The following CAMKMT variants were observed in gnomAD, a reference collection of about 807,000 sequenced individuals.
CAMKMT encodes the protein calmodulin-lysine N-methyltransferase.
CAMKMT carries 53 observed loss-of-function variants against 48.0 expected under a neutral mutation model. The observed-to-expected ratio is 1.10, with a 90% CI of 0.89 to 1.39. CAMKMT has a LOEUF of 1.39. CAMKMT is among the 40% of genes most tolerant of loss of function. CAMKMT has a pLI of 0.00. For synonymous variants in CAMKMT, 165 were observed against 152.3 expected (o/e 1.08, Z -0.61); for missense variants, 428 against 402.7 (o/e 1.06, Z -0.54).
intron 3 of CAMKMT, among the ~76,000 whole-genome samples, chr2:44,694,637 A>G (rs1676840211): frequency 6.6e-6 from 1 of 152,252 alleles, no homozygotes; most frequent in Non-Finnish European, 1.5e-5. Context: ...GCTTATATTA[A>G]GTAGATCACA....
intron 3 of CAMKMT, among the ~76,000 whole-genome samples, chr2:44,689,261 A>ATTTT (rs1278736278): frequency 1.8e-3 from 200 of 108,880 alleles, no homozygotes; most frequent in African/African-American, 2.6e-3. Flanking sequence ...ACCCAGCACT[A>ATTTT]TTTTTTATTT....
chr2:44,616,525 C>A (rs1010960416), intron 3 of CAMKMT, among the ~76,000 whole-genome samples: 6 of 123,208 alleles, frequency 4.9e-5, no homozygotes, highest in African/African-American at 1.0e-4. Context: ...AATAGAACAA[C>A]CTTTAACAAT....
intron 3 of CAMKMT, among the ~76,000 whole-genome samples, chr2:44,601,864 C>A (rs1380025911): frequency 6.6e-6 from 1 of 151,970 alleles, no homozygotes; most frequent in Non-Finnish European, 1.5e-5. Context: ...GAAAAGTAAT[C>A]ATGATTCCAT....
intron 3 of CAMKMT, among the ~76,000 whole-genome samples, chr2:44,695,543 A>G (rs1676894090): frequency 6.6e-6 from 1 of 152,220 alleles, no homozygotes; most frequent in Admixed American, 6.5e-5. Flanking sequence ...CTACAAAACT[A>G]TATTCAAAAG....
chr2:44,378,981 A>G (rs193116908), intron 2 of CAMKMT, among the ~76,000 whole-genome samples: 3 of 152,288 alleles, frequency 2.0e-5, no homozygotes, highest in East Asian at 3.9e-4. Context: ...TTTTAAGTAT[A>G]TTTACAATGT....
intron 3 of CAMKMT, among the ~76,000 whole-genome samples, chr2:44,450,118 A>G (rs1488233704): frequency 6.6e-6 from 1 of 152,152 alleles, no homozygotes; most frequent in Non-Finnish European, 1.5e-5. Context: ...TTTACTGAGC[A>G]GTGGATTTCC....
intron 3 of CAMKMT, among the ~76,000 whole-genome samples, chr2:44,493,372 T>C (rs1027285535): frequency 2.0e-5 from 3 of 152,298 alleles, no homozygotes; most frequent in Non-Finnish European, 1.5e-5. Context: ...ACTTTTTGTT[T>C]TTAAGTTTTA....
intron 8 of CAMKMT, among the ~76,000 whole-genome samples, chr2:44,752,960 G>A (rs925440259): frequency 6.6e-5 from 10 of 152,142 alleles, no homozygotes; most frequent in Admixed American, 2.6e-4. Flanking sequence ...AAAGGTCTGC[G>A]ACCTGCAAGT....
chr2:44,453,433 A>T (rs1667398701), intron 3 of CAMKMT, among the ~76,000 whole-genome samples: 1 of 152,086 alleles, frequency 6.6e-6, no homozygotes, highest in South Asian at 2.1e-4. Flanking sequence ...TAAACATAAT[A>T]ATGCACATTG....
chr2:44,527,785 G>GAC (rs1553409530), intron 3 of CAMKMT, among the ~76,000 whole-genome samples: 2 of 84,782 alleles, frequency 2.4e-5, no homozygotes, highest in African/African-American at 4.2e-5. Flanking sequence ...CATGTGTACA[G>GAC]CCCCCCCCCC....
At chr2:44,433,931 G>A (rs531287997) in intron 3 of CAMKMT, among the ~76,000 whole-genome samples, 4 of 152,268 alleles carry the variant, frequency 2.6e-5, no homozygotes, top group African/African-American at 9.6e-5. Context: ...GTGTGCCGTG[G>A]TTTGTAAATA....
intron 2 of CAMKMT, among the ~76,000 whole-genome samples, chr2:44,386,684 G>T (rs571067520): frequency 6.6e-6 from 1 of 151,948 alleles, no homozygotes; most frequent in Non-Finnish European, 1.5e-5. Flanking sequence ...CATCACCTTT[G>T]CTGTATCCCA....
intron 9 of CAMKMT, among the ~76,000 whole-genome samples, chr2:44,765,764 T>G (rs1025936089): frequency 2.0e-5 from 3 of 152,186 alleles, no homozygotes; most frequent in African/African-American, 7.2e-5. Flanking sequence ...TATACCACTT[T>G]CTTTGAAAAG....
chr2:44,424,425 G>C (rs1430398837), intron 3 of CAMKMT, among the ~76,000 whole-genome samples: 1 of 152,082 alleles, frequency 6.6e-6, no homozygotes, highest in Non-Finnish European at 1.5e-5. Flanking sequence ...GCAAGTGGGG[G>C]CTATGTGACT....
intron 1 of CAMKMT, among the ~76,000 whole-genome samples, chr2:44,363,409 T>G (rs1678198234): frequency 6.6e-6 from 1 of 151,428 alleles, no homozygotes; most frequent in Non-Finnish European, 1.5e-5. Context: ...GGAGTTTCCC[T>G]CTTGTTGCCC....
intron 8 of CAMKMT, among the ~76,000 whole-genome samples, chr2:44,744,007 G>C (rs936326209): frequency 1.3e-5 from 2 of 151,928 alleles, no homozygotes; most frequent in Admixed American, 1.3e-4. Context: ...ATTATGGCTC[G>C]GAGAGGAATA....
intron 3 of CAMKMT, among the ~76,000 whole-genome samples, chr2:44,395,894 A>ATG (rs1681793011): frequency 6.6e-6 from 1 of 152,180 alleles, no homozygotes; most frequent in Non-Finnish European, 1.5e-5. Flanking sequence ...GTAAAGCTAC[A>ATG]CAATTAAAAT....
At chr2:44,640,650 G>C (rs145554835) in intron 3 of CAMKMT, among the ~76,000 whole-genome samples, 2 of 152,128 alleles carry the variant, frequency 1.3e-5, no homozygotes, top group African/African-American at 4.8e-5. Context: ...TGCTGCTACT[G>C]CTACTTACTA....
chr2:44,577,307 G>A (rs931230072), intron 3 of CAMKMT, among the ~76,000 whole-genome samples: 1 of 152,154 alleles, frequency 6.6e-6, no homozygotes. Flanking sequence ...TTTCAGAAAG[G>A]GGTAGCTGAC....
Sources: gnomAD v4.1 joint callset for allele counts (sites outside exome capture counted in the v4.1 genomes callset) on GRCh38, gnomAD v4.1.1 for gene constraint, MANE v1.5 for transcripts, NCBI Gene and HGNC (gene_info 2026-07-23, HGNC 2026-07-21) for gene names.